Variants in ALDH5A1 observed in about 807,000 individuals in gnomAD.
ALDH5A1 encodes the protein succinate-semialdehyde dehydrogenase, mitochondrial.
In ALDH5A1, 33 loss-of-function variants were observed where a neutral mutation model predicts 54.7. The ratio of observed to expected loss-of-function variants is 0.60; its 90% CI spans 0.46 to 0.81. The LOEUF (loss-of-function observed/expected upper bound fraction) is 0.81. Among genes scored for constraint, ALDH5A1 ranks in the 30% least tolerant of loss-of-function variants. The pLI is 0.00. For missense variants in ALDH5A1, 657 were observed against 711.0 expected, an observed-to-expected ratio of 0.92 and a Z score of 0.86; for synonymous variants, 294 against 292.7, an observed-to-expected ratio of 1.00 and a Z score of -0.05.
chr6:24,505,458 C>T (rs562992405), intron 4 of ALDH5A1, among the ~76,000 whole-genome samples: 1 of 151,840 alleles, frequency 6.6e-6, no homozygotes, highest in Non-Finnish European at 1.5e-5. Context: ...TCTCTGACTT[C>T]GTCCATCACA....
intron 1 of ALDH5A1, among the ~76,000 whole-genome samples, chr6:24,496,942 G>T (rs1017735703): frequency 1.3e-5 from 2 of 152,078 alleles, no homozygotes; most frequent in African/African-American, 4.8e-5. Context: ...GTAACATCAG[G>T]GTAGGTCTCA....
chr6:24,497,593 T>C (rs935430579), intron 1 of ALDH5A1, among the ~76,000 whole-genome samples: 4 of 152,196 alleles, frequency 2.6e-5, no homozygotes, highest in Admixed American at 6.5e-5. Flanking sequence ...AAGTCCCCAC[T>C]CGACCCAGGA....
At chr6:24,515,406 G>GA in intron 5 of ALDH5A1, 96 bp downstream of exon 5, 1 of 1,450,994 alleles carries the variant, frequency 6.9e-7, no homozygotes. Context: ...ACCAATTTTG[G>GA]AAAGATTTCC....
At chr6:24,498,225 G>A (rs1489809056) in intron 1 of ALDH5A1, among the ~76,000 whole-genome samples, 3 of 152,234 alleles carry the variant, frequency 2.0e-5, no homozygotes, top group Non-Finnish European at 4.4e-5. Context: ...TCACACCCAA[G>A]AGAGGATGTA....
At chr6:24,510,765 C>G (rs1053919709) in intron 4 of ALDH5A1, among the ~76,000 whole-genome samples, 1 of 152,176 alleles carries the variant, frequency 6.6e-6, no homozygotes, top group African/African-American at 2.4e-5. Context: ...TTCTGCAATT[C>G]TGTATCTTTT....
At chr6:24,530,929 A>G (rs1443399358) in intron 8 of ALDH5A1, among the ~76,000 whole-genome samples, 1 of 152,204 alleles carries the variant, frequency 6.6e-6, no homozygotes, top group African/African-American at 2.4e-5. Flanking sequence ...CCACTCCTGC[A>G]TGGGTGGTCT....
chr6:24,522,603 T>TAAG (rs1395963759), intron 6 of ALDH5A1, 164 bp from the exon 7 acceptor site: 1 of 747,540 alleles, frequency 1.3e-6, no homozygotes, highest in African/African-American at 1.7e-5. Flanking sequence ...CTCAGTGCTT[T>TAAG]TATCTTTGGG....
Position 24,509,660 on chromosome 6 carries a change from T to C in ALDH5A1, c.726+4675T>C, listed in dbSNP as rs1759426682. Among the ~76,000 whole-genome samples the C allele has an allele frequency of 6.6e-6, 1 of 152,196 alleles. No individual in the cohort carries two copies. The highest frequency in any genetic ancestry group is 1.5e-5 in the Non-Finnish European group (1 of 68,012). ...ATCTTTTGTACTTCTGTGGTGTCAG[T>C]TGTAATATCTCCCATTTCATTTCTA... On this transcript the variant is annotated intron_variant, in intron 4 of 9. Transcript: ENST00000357578. This position sits in a 1 kb window ranked among gnomAD's most constrained non-coding sequence, Gnocchi z 4.7.
chr6:24,530,051 A>G (rs144870554), intron 8 of ALDH5A1, among the ~76,000 whole-genome samples: 1 of 152,066 alleles, frequency 6.6e-6, no homozygotes, highest in Non-Finnish European at 1.5e-5. Context: ...CCTTTCATTT[A>G]TGCTTTTCTA....
intron 9 of ALDH5A1, among the ~76,000 whole-genome samples, chr6:24,533,204 A>G (rs2744600): frequency 0.37 from 55,839 of 152,054 alleles, 10,992 homozygotes; most frequent in African/African-American, 0.51. Flanking sequence ...ATCAGGAGTC[A>G]TCGAAAGGCT....
At chr6:24,526,861 ATATATATATATCTTCTATATATATATTC>A (rs1444890435) in intron 7 of ALDH5A1, among the ~76,000 whole-genome samples, 50 of 126,462 alleles carry the variant, frequency 4.0e-4, no homozygotes, top group South Asian at 1.2e-3. Context: ...TATATATTCT[ATATATATATATCTTCTATATATATATTC>A]TATATATATA....
intron 7 of ALDH5A1, among the ~76,000 whole-genome samples, chr6:24,527,650 C>T (rs547108031): frequency 1.6e-4 from 24 of 152,234 alleles, no homozygotes; most frequent in African/African-American, 5.8e-4. Context: ...GGAAATAGGA[C>T]AACATGGGAT....
intron 4 of ALDH5A1, among the ~76,000 whole-genome samples, chr6:24,505,372 G>A (rs937704956): frequency 6.6e-6 from 1 of 152,070 alleles, no homozygotes; most frequent in African/African-American, 2.4e-5. Context: ...GGCCTCTTGT[G>A]TCACTCACTC....
At chr6:24,497,293 G>C (rs1207505424) in intron 1 of ALDH5A1, among the ~76,000 whole-genome samples, 1 of 152,068 alleles carries the variant, frequency 6.6e-6, no homozygotes, top group African/African-American at 2.4e-5. Flanking sequence ...CCCTGCGATT[G>C]GCTACTTTTA....
At position 24,535,091 on chromosome 6, in the gene ALDH5A1, ACCT is replaced by A. The variant is rs2127391682; in HGVS notation, c.*1380_*1382del. 1 of 152,324 alleles carries A rather than the reference ACCT, an allele frequency of 6.6e-6. No homozygotes were observed. The highest frequency in any genetic ancestry group is 1.9e-4 in the East Asian group (1 of 5,186). 9.4% of individuals were successfully genotyped at this position (152,324 alleles called of 1,614,324 possible). A position where few individuals can be genotyped will look rare whatever the true frequency, so the allele number is the denominator to read the frequency against. ...GCGGCCAAGTAGGTGGAGACGAAGCACCTTCCTTTCCCCATCTCTGTCTGTGTA... is the reference window on the plus strand; with the variant it reads ...GCGGCCAAGTAGGTGGAGACGAAGCATCCTTTCCCCATCTCTGTCTGTGTA... On this transcript the variant is annotated 3_prime_UTR_variant, in exon 10 of 10. Transcript: ENST00000357578.
intron 9 of ALDH5A1, among the ~76,000 whole-genome samples, chr6:24,533,264 T>C (rs1759970072): frequency 1.3e-5 from 2 of 152,128 alleles, no homozygotes; most frequent in South Asian, 2.1e-4. Flanking sequence ...GTGGATTGAA[T>C]AGTAGAAAAC....
chr6:24,528,646 C>G (rs894139622), intron 8 of ALDH5A1, among the ~76,000 whole-genome samples: 9 of 151,658 alleles, frequency 5.9e-5, no homozygotes, highest in Non-Finnish European at 8.8e-5. Context: ...TGGGAGTGAA[C>G]CACCATGCCT....
intron 1 of ALDH5A1, among the ~76,000 whole-genome samples, chr6:24,500,007 C>T (rs1764790355): frequency 2.0e-5 from 3 of 151,684 alleles, no homozygotes; most frequent in East Asian, 1.9e-4. Context: ...CAGATCTCAC[C>T]GCATTGCCCA....
chr6:24,507,137 G>A (rs576574559), intron 4 of ALDH5A1, among the ~76,000 whole-genome samples: 1 of 152,270 alleles, frequency 6.6e-6, no homozygotes, highest in East Asian at 1.9e-4. Context: ...AGTTGAACAA[G>A]CAGTTGTATG....
Sources: allele counts gnomAD v4.1 joint callset (sites outside exome capture counted in the v4.1 genomes callset), GRCh38; gene constraint gnomAD v4.1.1; non-coding constraint Gnocchi (gnomAD v3.1); transcripts MANE v1.5; gene names NCBI Gene and HGNC (gene_info 2026-07-23, HGNC 2026-07-21).